Variants in SOAT1 observed in about 807,000 individuals in gnomAD.
SOAT1 encodes acyl-coenzyme A:cholesterol acyltransferase 1.
In SOAT1, 55 loss-of-function variants were observed where a neutral mutation model predicts 69.5. The ratio of observed to expected loss-of-function variants is 0.79; its 90% CI spans 0.64 to 0.99. SOAT1 has a LOEUF of 0.99. SOAT1 is among the 50% of genes least tolerant of loss of function. The pLI, the probability that SOAT1 is intolerant of heterozygous loss-of-function variation, is 0.00. For missense variants in SOAT1, 580 were observed against 669.3 expected (o/e 0.87, Z 1.47); for synonymous variants, 231 against 224.7 (o/e 1.03, Z -0.25).
chr1:179,342,465 AT>A (rs1277924813), intron 8 of SOAT1, among the ~76,000 whole-genome samples: 2 of 152,020 alleles, frequency 1.3e-5, no homozygotes, highest in Non-Finnish European at 2.9e-5. Flanking sequence ...TCAAATATAT[AT>A]TATCCATATT....
chr1:179,294,154 C>T (rs1010938486), intron 1 of SOAT1, among the ~76,000 whole-genome samples: 2 of 152,244 alleles, frequency 1.3e-5, no homozygotes, highest in African/African-American at 2.4e-5. Context: ...CCTTTTAAAC[C>T]CTGCACGCTG....
rs75440174 is a variant in SOAT1, at chr1:179,305,073, A to G, written c.118+2271A>G. On this transcript the variant is annotated intron_variant, in intron 2 of 15. Transcript: ENST00000367619. ...CATCACTGCTGTTTAATTTCAAAAC[A>G]TTTTTATCACCCTGGAAAGGAGTCC... Among the ~76,000 whole-genome samples, 1,085 of 150,848 alleles carry G rather than the reference A, an allele frequency of 7.2e-3. 12 individuals carry two copies. The highest frequency in any genetic ancestry group is 0.024 in the African/African-American group (998 of 41,284).
rs1424643006 is a variant in SOAT1 at position 179,344,352 on chromosome 1, GGTTTTTTTTTTTTTTTTTTTTTTTT to G, written c.988-594_988-570del. 2.2e-4 allele frequency among the ~76,000 whole-genome samples: 27 copies of G among 120,562 alleles called. 2 individuals carry two copies. In the Middle Eastern group the frequency reaches 0.018, roughly 78 times the overall value. The allele number at this position is 120,562 out of a possible 152,430, so 79.1% of individuals were successfully genotyped here. A position where few individuals can be genotyped will look rare whatever the true frequency, so the allele number is the denominator to read the frequency against. On this transcript the variant is annotated intron_variant, in intron 10 of 15. Coordinates refer to ENST00000367619, the MANE Select transcript of SOAT1 (RefSeq NM_003101.6). The stretch of plus-strand genomic sequence containing the variant: ...TATGAAGTAAGTTCTTTCATTAAGG[GGTTTTTTTTTTTTTTTTTTTTTTTT>G]TTTTTTTTTTTTTTTGAGAAGGAGT...
intron 11 of SOAT1, among the ~76,000 whole-genome samples, chr1:179,346,993 G>T (rs997705948): frequency 6.6e-5 from 10 of 152,066 alleles, no homozygotes; most frequent in African/African-American, 1.4e-4. Context: ...GTTTAAGAGG[G>T]GGGTATGGGG....
Position 179,293,817 on chromosome 1 carries a change from G to C in SOAT1, c.-128G>C, listed in dbSNP as rs373332461. 3.8e-4 allele frequency: 58 copies of C among 152,542 alleles called. No individual in the cohort carries two copies. Among genetic ancestry groups the C allele is most frequent in the African/African-American group, 1.3e-3 (53 of 41,594 alleles). The allele number at this position is 152,542 out of a possible 1,614,324, so 9.4% of individuals were successfully genotyped here. ...CCGGCGCTTTAGCTTAGCAGGCGAC[G>C]TTGCGGGCCCTGGGCGCCAGGAGAG... On this transcript the variant is annotated 5_prime_UTR_variant, in exon 1 of 16. Coordinates refer to ENST00000367619, the MANE Select transcript of SOAT1 (RefSeq NM_003101.6).
chr1:179,330,733 T>C (rs146200506), intron 3 of SOAT1, among the ~76,000 whole-genome samples: 6 of 152,328 alleles, frequency 3.9e-5, no homozygotes, highest in African/African-American at 1.4e-4. Flanking sequence ...GCAAAGGCAG[T>C]TTCACATTCA....
rs116996210 is a variant in SOAT1 at position 179,311,302 on chromosome 1, G to A, written c.118+8500G>A. The stretch of plus-strand genomic sequence containing the variant: ...GATTGCTTGAGCCCAGGAGTTAGAG[G>A]TCGCAGTGAGCTAGGATTGCACCAC... On this transcript the variant is annotated intron_variant, in intron 2 of 15. Transcript: ENST00000367619. Among the ~76,000 whole-genome samples the A allele has an allele frequency of 8.7e-3, 1,327 of 152,260 alleles. 45 individuals carry two copies. The highest frequency in any genetic ancestry group is 0.058 in the Admixed American group (884 of 15,274).
In SOAT1 at chr1:179,345,568, C is replaced by CTTT. The variant is rs77132970; in HGVS notation, c.1117+502_1117+504dup. On this transcript the variant is annotated intron_variant, in intron 11 of 15. Coordinates refer to ENST00000367619, the MANE Select transcript of SOAT1 (RefSeq NM_003101.6). ...ATCTCTCTTGTCACTGTTTTCTTGC[C>CTTT]TTTTTTTTTTTTGAAATCGGGTCTC... Among the ~76,000 whole-genome samples the CTTT allele has an allele frequency of 8.6e-3, 1,238 of 144,616 alleles. 36 individuals carry two copies. The highest frequency in any genetic ancestry group is 0.055 in the Admixed American group (796 of 14,462). 94.9% of individuals were successfully genotyped at this position (144,616 alleles called of 152,430 possible).
chr1:179,345,930 C>G (rs891989357), intron 11 of SOAT1, among the ~76,000 whole-genome samples: 10 of 150,710 alleles, frequency 6.6e-5, no homozygotes, highest in Non-Finnish European at 5.9e-5. Flanking sequence ...ATTTTTTTGT[C>G]TATTATAGAG....
In SOAT1 at chr1:179,345,024, G is replaced by C. The variant is rs1011212698; in HGVS notation, c.1065G>C (p.Glu355Asp). The change falls in exon 11 of 16, where the codon GAG becomes GAC. Residue 355 changes from glutamate (E) to aspartate (D), a missense_variant. Glu to Asp is a conservative substitution (Grantham distance 45). Transcript: ENST00000367619. ...CCTTGTTTCGGAATATCAAACAGGA[G>C]CCCTTCAGCGCTCGTGTTCTGGTCC... is the stretch of plus-strand genomic sequence containing the variant. ...CAPLFRNIKQ[E>D]PFSARVLVLC... is the part of the protein sequence containing the mutation. 1.9e-6 allele frequency: 3 copies of C among 1,613,950 alleles called. No homozygotes were observed. The African/African-American group carries it at 4.0e-5, about 22-fold the overall frequency.
intron 3 of SOAT1, among the ~76,000 whole-genome samples, chr1:179,326,096 G>A (rs748884400): frequency 6.6e-6 from 1 of 152,134 alleles, no homozygotes; most frequent in African/African-American, 2.4e-5. Context: ...AACTTACACC[G>A]TACATATTTT....
chr1:179,312,900 T>C (rs557934568), intron 2 of SOAT1, among the ~76,000 whole-genome samples: 2 of 152,318 alleles, frequency 1.3e-5, no homozygotes, highest in Non-Finnish European at 2.9e-5. Context: ...TTTCTTAAAC[T>C]CTGACCACAC....
intron 2 of SOAT1, among the ~76,000 whole-genome samples, chr1:179,318,999 C>T (rs1348246542): frequency 2.6e-5 from 4 of 152,144 alleles, no homozygotes; most frequent in Non-Finnish European, 4.4e-5. Context: ...TGTGTTTAAT[C>T]TGTCGAGGAA....
intron 3 of SOAT1, 120 bp from the exon 4 acceptor site, chr1:179,335,386 T>G: frequency 1.2e-6 from 1 of 851,846 alleles, no homozygotes; most frequent in South Asian, 2.0e-5. Context: ...CTTTTACTCC[T>G]GCGAACTCAC....
At chr1:179,351,487 G>C in intron 15 of SOAT1, 25 bp downstream of exon 15, 1 of 1,608,746 alleles carries the variant, frequency 6.2e-7, no homozygotes, top group Non-Finnish European at 8.5e-7. Flanking sequence ...TGGTTGGAGT[G>C]CAAAAGAACC....
intron 2 of SOAT1, among the ~76,000 whole-genome samples, chr1:179,313,133 A>G (rs1665273927): frequency 6.6e-6 from 1 of 152,238 alleles, no homozygotes; most frequent in African/African-American, 2.4e-5. Context: ...CCAGATTTAC[A>G]GTAAACTTGG....
At chr1:179,303,486 A>G (rs2124936385) in intron 2 of SOAT1, among the ~76,000 whole-genome samples, 1 of 152,364 alleles carries the variant, frequency 6.6e-6, no homozygotes, top group South Asian at 2.1e-4. Flanking sequence ...GATTTCAACA[A>G]GGATTTGAAA....
At chr1:179,331,163 G>A (rs899941896) in intron 3 of SOAT1, among the ~76,000 whole-genome samples, 3 of 152,082 alleles carry the variant, frequency 2.0e-5, no homozygotes, top group Admixed American at 2.0e-4. Flanking sequence ...TTAAATGCAC[G>A]AGTGTAAGAA....
chr1:179,320,746 A>AT (rs947281453), intron 2 of SOAT1, among the ~76,000 whole-genome samples: 7 of 151,788 alleles, frequency 4.6e-5, no homozygotes, highest in Non-Finnish European at 7.4e-5. Flanking sequence ...TTACTTATTT[A>AT]TTTTTTTGAG....
Sources: allele counts gnomAD v4.1 joint callset (sites outside exome capture counted in the v4.1 genomes callset), GRCh38; gene constraint gnomAD v4.1.1; transcripts MANE v1.5; gene names NCBI Gene and HGNC (gene_info 2026-07-23, HGNC 2026-07-21).